Variants in NELL2 observed in about 807,000 individuals in gnomAD.
The protein encoded by NELL2 is protein kinase C-binding protein NELL2.
In NELL2, 41 loss-of-function variants were observed where a neutral mutation model predicts 109.6. That is an observed-to-expected ratio of 0.37 (90% confidence interval 0.29 to 0.49). The LOEUF (loss-of-function observed/expected upper bound fraction) is 0.49, where lower values mean the gene tolerates loss of function less well. Ranked by LOEUF, NELL2 falls within the 20% of genes least tolerant of loss-of-function variation. The probability of loss-of-function intolerance (pLI) is 0.98; values close to 1 mark genes in which losing one functional copy is unlikely to be tolerated. For synonymous variants in NELL2, 355 were observed against 344.7 expected, an observed-to-expected ratio of 1.03 and a Z score of -0.33; for missense variants, 900 against 1,008.3, an observed-to-expected ratio of 0.89 and a Z score of 1.45.
At position 44,739,283 on chromosome 12, in the gene NELL2, G is replaced by A. The variant is rs773519927; in HGVS notation, c.995-24542C>T. Among the ~76,000 whole-genome samples, 75 of 151,976 alleles carry A rather than the reference G, an allele frequency of 4.9e-4. 1 individual carries two copies. The highest frequency in any genetic ancestry group is 9.0e-4 in the Non-Finnish European group (61 of 67,998). On this transcript the variant is annotated intron_variant, in intron 9 of 19. Coordinates refer to ENST00000429094, the MANE Select transcript of NELL2 (RefSeq NM_001145108.2). ...TGAAAAATACAAACAAGGGCCTGTG[G>A]GATTTTTCCAAAAGTAGTTTCAGAG...
At chr12:44,617,527 A>AAC (rs556596350) in intron 13 of NELL2, among the ~76,000 whole-genome samples, 1 of 135,366 alleles carries the variant, frequency 7.4e-6, no homozygotes, top group South Asian at 2.1e-4. Flanking sequence ...CTCTACTAAA[A>AAC]ACACACACAA....
intron 3 of NELL2, among the ~76,000 whole-genome samples, chr12:44,797,160 A>G (rs1942653386): frequency 6.6e-6 from 1 of 152,146 alleles, no homozygotes; most frequent in Non-Finnish European, 1.5e-5. Context: ...CCATTGGATA[A>G]AGGGTAGTAT....
chr12:44,744,191 G>T (rs1225921444), intron 9 of NELL2, among the ~76,000 whole-genome samples: 1 of 152,142 alleles, frequency 6.6e-6, no homozygotes, highest in Non-Finnish European at 1.5e-5. Context: ...AACCTGCTCT[G>T]GAATGACTAC....
At chr12:44,532,228 A>G (rs1393408389) in intron 16 of NELL2, among the ~76,000 whole-genome samples, 3 of 151,980 alleles carry the variant, frequency 2.0e-5, no homozygotes, top group Admixed American at 6.6e-5. Flanking sequence ...TTTTCCCTCT[A>G]TCTTGCTTTT....
intron 15 of NELL2, among the ~76,000 whole-genome samples, chr12:44,564,273 C>T (rs887930549): frequency 1.3e-5 from 2 of 152,038 alleles, no homozygotes; most frequent in Non-Finnish European, 2.9e-5. Flanking sequence ...AAGCAAAATG[C>T]ATGGTTTATT....
At chr12:44,633,079 C>T (rs2136287942) in intron 13 of NELL2, among the ~76,000 whole-genome samples, 1 of 152,144 alleles carries the variant, frequency 6.6e-6, no homozygotes, top group African/African-American at 2.4e-5. Flanking sequence ...TGCATACACA[C>T]ACAAATACAA....
chr12:44,680,799 C>T (rs1280717830), intron 12 of NELL2, among the ~76,000 whole-genome samples: 1 of 152,142 alleles, frequency 6.6e-6, no homozygotes, highest in Non-Finnish European at 1.5e-5. Flanking sequence ...TTACCTGCTT[C>T]CCCCAAATCG....
intron 2 of NELL2, among the ~76,000 whole-genome samples, chr12:44,867,612 G>A (rs12580287): frequency 0.021 from 3,147 of 152,230 alleles, 112 homozygotes; most frequent in East Asian, 0.18. Flanking sequence ...ACATAGTACT[G>A]TAAGTCCTAG....
chr12:44,900,344 T>C, intron 1 of NELL2, among the ~76,000 whole-genome samples: 1 of 151,794 alleles, frequency 6.6e-6, no homozygotes, highest in East Asian at 1.9e-4. Context: ...TATTCTAAAA[T>C]TGACCACATA....
intron 13 of NELL2, among the ~76,000 whole-genome samples, chr12:44,621,689 T>C (rs981030482): frequency 6.9e-6 from 1 of 145,870 alleles, no homozygotes; most frequent in Non-Finnish European, 1.5e-5. Flanking sequence ...ATTGTTATTG[T>C]GCTCGAACTT....
chr12:44,876,974 G>A (rs1945346825), upstream of NELL2: 1 of 1,027,236 alleles, frequency 9.7e-7, no homozygotes, highest in South Asian at 2.9e-5. Context: ...GGAGAGCGCA[G>A]AGAACTTGGC....
At position 44,553,870 on chromosome 12, in the gene NELL2, C is replaced by T. The variant is rs191833753; in HGVS notation, c.1664-21149G>A. Among the ~76,000 whole-genome samples, 3 of 150,150 alleles carry T rather than the reference C, an allele frequency of 2.0e-5. No individual in the cohort carries two copies. The East Asian group carries it at 5.8e-4, about 29-fold the overall frequency. On this transcript the variant is annotated intron_variant, in intron 15 of 19. Transcript: ENST00000429094. ...TCATTTCTATCAACACATTATTCCA[C>T]ACACACACATGCACACACACGCACA...
intron 1 of NELL2, among the ~76,000 whole-genome samples, chr12:44,896,021 T>C (rs1289373122): frequency 6.6e-6 from 1 of 152,194 alleles, no homozygotes; most frequent in Non-Finnish European, 1.5e-5. Context: ...AAGCATTTAC[T>C]GTGTTATGAA....
intron 13 of NELL2, among the ~76,000 whole-genome samples, chr12:44,617,065 T>A (rs975354500): frequency 2.0e-5 from 3 of 152,240 alleles, no homozygotes. Flanking sequence ...AAGAAAAAAG[T>A]GGTACTCCTT....
At chr12:44,634,614 A>G (rs1031455981) in intron 13 of NELL2, among the ~76,000 whole-genome samples, 3 of 152,188 alleles carry the variant, frequency 2.0e-5, no homozygotes, top group African/African-American at 7.2e-5. Flanking sequence ...GCTATCATGA[A>G]TAGTGCTGCA....
intron 12 of NELL2, among the ~76,000 whole-genome samples, chr12:44,674,423 G>T (rs960098462): frequency 6.6e-6 from 1 of 152,104 alleles, no homozygotes; most frequent in Non-Finnish European, 1.5e-5. Context: ...GTGTGGCAGG[G>T]CTTCAGGTGG....
chr12:44,910,287 T>C (rs1945765179), intron 1 of NELL2, among the ~76,000 whole-genome samples: 1 of 151,538 alleles, frequency 6.6e-6, no homozygotes, highest in Non-Finnish European at 1.5e-5. Context: ...AAACAAATAA[T>C]CCCATTAAAG....
chr12:44,884,358 G>A (rs1373754605), intron 1 of NELL2, among the ~76,000 whole-genome samples: 2 of 151,856 alleles, frequency 1.3e-5, no homozygotes, highest in Non-Finnish European at 2.9e-5. Flanking sequence ...TAATAGAACT[G>A]AAAGAAGAAG....
chr12:44,531,043 C>T (rs189910652), intron 16 of NELL2, among the ~76,000 whole-genome samples: 2 of 152,316 alleles, frequency 1.3e-5, no homozygotes, highest in East Asian at 1.9e-4. Context: ...TAGTTACAAA[C>T]TTAATGTAAC....
Sources: allele counts gnomAD v4.1 joint callset (sites outside exome capture counted in the v4.1 genomes callset), GRCh38; gene constraint gnomAD v4.1.1; transcripts MANE v1.5; gene names NCBI Gene and HGNC (gene_info 2026-07-23, HGNC 2026-07-21).